The following COL11A1 variants were observed in gnomAD, a reference collection of about 807,000 sequenced individuals.
The protein encoded by COL11A1 is collagen alpha-1(XI) chain.
A neutral mutation model predicts 265.2 loss-of-function variants in COL11A1; 74 were observed. The ratio of observed to expected loss-of-function variants is 0.28; its 90% CI spans 0.23 to 0.34. The LOEUF is 0.34. Among genes scored for constraint, COL11A1 ranks in the 10% least tolerant of loss-of-function variants. The probability of loss-of-function intolerance (pLI) is 1.00; values close to 1 mark genes in which losing one functional copy is unlikely to be tolerated. For synonymous variants in COL11A1, 816 were observed against 727.6 expected (o/e 1.12, Z -1.96); for missense variants, 2,165 against 2,263.6 (o/e 0.96, Z 0.88).
intron 42 of COL11A1, among the ~76,000 whole-genome samples, chr1:102,943,206 T>C (rs1473797785): frequency 2.0e-5 from 3 of 152,066 alleles, no homozygotes; most frequent in South Asian, 4.1e-4. Context: ...TTTCTATGGG[T>C]TCCATGCCCT....
chr1:103,005,278 T>C (rs1411873806), intron 18 of COL11A1, among the ~76,000 whole-genome samples: 1 of 152,160 alleles, frequency 6.6e-6, no homozygotes, highest in African/African-American at 2.4e-5. Context: ...AAGCTGATCT[T>C]TTTCTGAGAG....
intron 3 of COL11A1, 99 bp from the exon 4 acceptor site, chr1:103,074,879 G>T: frequency 7.3e-7 from 1 of 1,376,610 alleles, no homozygotes; most frequent in Non-Finnish European, 1.0e-6. Flanking sequence ...TTATAAAAAT[G>T]AGCTAAAATC....
chr1:102,886,176 C>A (rs956672640), intron 63 of COL11A1, among the ~76,000 whole-genome samples: 3 of 152,114 alleles, frequency 2.0e-5, no homozygotes, highest in Non-Finnish European at 4.4e-5. Context: ...ACTTAGCAAC[C>A]TGAAACTCTT....
chr1:102,912,246 T>A, intron 53 of COL11A1, 34 bp from the exon 54 acceptor site: 1 of 1,559,410 alleles, frequency 6.4e-7, no homozygotes, highest in Middle Eastern at 1.7e-4. Context: ...TTAACAAAAT[T>A]GGATATTATT....
chr1:103,070,746 G>T (rs531466818), intron 4 of COL11A1, among the ~76,000 whole-genome samples: 1 of 151,970 alleles, frequency 6.6e-6, no homozygotes, highest in East Asian at 1.9e-4. Flanking sequence ...CAAGGACCAA[G>T]AACTAAATGC....
In COL11A1 at chr1:102,987,616, TA is replaced by T. The variant is rs576277384; in HGVS notation, c.2502+16del. 213 of 1,592,422 alleles carry T rather than the reference TA, an allele frequency of 1.3e-4. No individual in the cohort carries two copies. In the African/African-American group the frequency reaches 2.5e-3, roughly 19 times the overall value. On this transcript the variant is annotated intron_variant, in intron 30 of 66. Transcript: ENST00000370096. ...TCAGCTGCAAGAGTACCAGTGAATT[TA>T]AAGTCATTTACCAACCTTTTCTCCT...
Position 103,107,935 on chromosome 1 carries a change from A to G in COL11A1, c.106+138T>C, listed in dbSNP as rs115558182. 0.015 allele frequency: 10,886 copies of G among 717,630 alleles called. 153 individuals are homozygous for G. Among genetic ancestry groups the G allele is most frequent in the Non-Finnish European group, 0.019 (7,850 of 411,502 alleles). 44.5% of individuals were successfully genotyped at this position (717,630 alleles called of 1,614,324 possible). On this transcript the variant is annotated intron_variant, in intron 1 of 66. Transcript: ENST00000370096. ...CCAATTCCAACCTGGTAGCAGCTAC[A>G]ATCTGGATTGTATTTAAGGGAATTG...
At chr1:102,878,475 C>CTAATTTATATATATATATAT (rs376153417) in intron 66 of COL11A1, among the ~76,000 whole-genome samples, 1 of 49,862 alleles carries the variant, frequency 2.0e-5, no homozygotes, top group Non-Finnish European at 4.4e-5. Flanking sequence ...ATTGAATCCT[C>CTAATTTATATATATATATAT]ATATATATAT....
In COL11A1 at chr1:103,030,870, T is replaced by C. The variant is rs1667928961; in HGVS notation, c.780+246A>G. 6.5e-6 allele frequency: 3 copies of C among 460,216 alleles called. No individual in the cohort carries two copies. The Admixed American group carries it at 1.0e-4, about 15-fold the overall frequency. 28.5% of individuals were successfully genotyped at this position (460,216 alleles called of 1,614,324 possible). A position where few individuals can be genotyped will look rare whatever the true frequency, so the allele number is the denominator to read the frequency against. ...CTCACCCCCTCCAAAATGGAATATG[T>C]GCATATACACAGTATACAAGTGAAG... On this transcript the variant is annotated intron_variant, in intron 5 of 66. Coordinates refer to ENST00000370096, the MANE Select transcript of COL11A1 (RefSeq NM_001854.4).
chr1:102,924,713 A>G (rs1043278969), intron 46 of COL11A1, among the ~76,000 whole-genome samples: 7 of 152,202 alleles, frequency 4.6e-5, no homozygotes, highest in Admixed American at 3.3e-4. Context: ...CTGTCATTCC[A>G]AAAGTTTAAT....
chr1:103,093,132 G>T (rs1220993394), intron 1 of COL11A1, among the ~76,000 whole-genome samples: 1 of 152,016 alleles, frequency 6.6e-6, no homozygotes, highest in East Asian at 1.9e-4. Flanking sequence ...GGTGAGGGTG[G>T]CTATGAGAAA....
chr1:103,087,691 C>T (rs1053984108), intron 1 of COL11A1, among the ~76,000 whole-genome samples: 1 of 152,182 alleles, frequency 6.6e-6, no homozygotes, highest in African/African-American at 2.4e-5. Flanking sequence ...CTCCACCTCA[C>T]CTGAAGGATA....
chr1:103,014,519 G>T lies in COL11A1; in HGVS notation c.1564C>A (p.Gln522Lys), dbSNP rs1417430030. The change falls in exon 13 of 67, where the codon CAG becomes AAG. Residue 522 changes from glutamine (Q) to lysine (K), a missense_variant. Physicochemically the swap from Gln to Lys is moderately conservative, Grantham distance 53 (BLOSUM62 1). Transcript: ENST00000370096. ...AGTTTATCCTGTCTTACCCGAGCCTGCTGAAGAATAGCTTGAGCCTGAGCT... is the reference window on the plus strand; with the variant it reads ...AGTTTATCCTGTCTTACCCGAGCCTTCTGAAGAATAGCTTGAGCCTGAGCT... ...QEAQAQAILQQARIALRGPPG... is the reference protein window; with the variant it reads ...QEAQAQAILQKARIALRGPPG... 2 of 1,613,494 alleles carry T rather than the reference G, an allele frequency of 1.2e-6. No homozygotes were observed. The highest frequency in any genetic ancestry group is 2.7e-5 in the African/African-American group (2 of 74,904).
At chr1:103,024,914 A>C (rs1299248015) in intron 7 of COL11A1, among the ~76,000 whole-genome samples, 1 of 152,182 alleles carries the variant, frequency 6.6e-6, no homozygotes. Context: ...ATCAGAATGC[A>C]TGTGAAATAT....
At position 102,974,824 on chromosome 1, in the gene COL11A1, A is replaced by G; in HGVS notation, c.2808+6T>C. The G allele has an allele frequency of 6.2e-7, 1 of 1,610,482 alleles. No individual in the cohort carries two copies. The highest frequency in any genetic ancestry group is 8.5e-7 in the Non-Finnish European group (1 of 1,176,818). On this transcript the variant is annotated splice_donor_region_variant and intron_variant, in intron 36 of 66. Transcript: ENST00000370096. ...AAGAAAGAGAAAGAGAAGCTCTGACACTTACAGGAGGGCCTTTTGGTCCAG... is the reference window on the plus strand; with the variant it reads ...AAGAAAGAGAAAGAGAAGCTCTGACGCTTACAGGAGGGCCTTTTGGTCCAG...
chr1:103,062,502 G>A (rs1670751966), intron 4 of COL11A1, among the ~76,000 whole-genome samples: 1 of 151,826 alleles, frequency 6.6e-6, no homozygotes, highest in Non-Finnish European at 1.5e-5. Flanking sequence ...ATTTATCCCA[G>A]GTATGCCAGG....
intron 44 of COL11A1, 69 bp from the exon 45 acceptor site, chr1:102,935,182 C>T (rs1184901972): frequency 3.1e-6 from 4 of 1,293,644 alleles, no homozygotes; most frequent in South Asian, 1.2e-5. Context: ...TGAAACAGAA[C>T]ATTTAGCCTA....
chr1:102,914,504 C>T, intron 51 of COL11A1, 99 bp from the exon 52 acceptor site: 2 of 1,213,052 alleles, frequency 1.6e-6, no homozygotes, highest in Non-Finnish European at 2.3e-6. Flanking sequence ...ATGACAAAAC[C>T]TGCTGAGAAT....
intron 63 of COL11A1, among the ~76,000 whole-genome samples, chr1:102,886,021 T>A (rs2100835035): frequency 6.6e-6 from 1 of 152,238 alleles, no homozygotes; most frequent in South Asian, 2.1e-4. Context: ...CAGTTATAAC[T>A]GACATTATAT....
Sources: gnomAD v4.1 joint callset for allele counts (sites outside exome capture counted in the v4.1 genomes callset) on GRCh38, gnomAD v4.1.1 for gene constraint, MANE v1.5 for transcripts, NCBI Gene and HGNC (gene_info 2026-07-23, HGNC 2026-07-21) for gene names.